The following EVI5 variants were observed in gnomAD, a reference collection of about 807,000 sequenced individuals.
The protein encoded by EVI5 is ecotropic viral integration site 5 protein homolog.
A neutral mutation model predicts 112.0 loss-of-function variants in EVI5; 73 were observed. The observed-to-expected ratio is 0.65, with a 90% CI of 0.54 to 0.79. The LOEUF (loss-of-function observed/expected upper bound fraction) is 0.79. Ranked by LOEUF, EVI5 falls within the 30% of genes least tolerant of loss-of-function variation. The pLI, the probability that EVI5 is intolerant of heterozygous loss-of-function variation, is 0.00. For missense variants in EVI5, 900 were observed against 968.8 expected (o/e 0.93, Z 0.94); for synonymous variants, 305 against 319.9 (o/e 0.95, Z 0.50).
chr1:92,615,589 C>T lies in EVI5; in HGVS notation c.1828-7862G>A, dbSNP rs1652934969. 2.6e-5 allele frequency among the ~76,000 whole-genome samples: 4 copies of T among 152,240 alleles called. No homozygotes were observed. In the South Asian group the frequency reaches 8.3e-4, roughly 32 times the overall value. ...TTTTTGTCAGAAGGAACAACTTCCC[C>T]ATCCCCAGTAGTGGAAACAACCCCT... On this transcript the variant is annotated intron_variant, in intron 16 of 19. Transcript: ENST00000684568.
intron 9 of EVI5, among the ~76,000 whole-genome samples, chr1:92,682,609 T>A (rs995527352): frequency 2.0e-5 from 3 of 152,030 alleles, no homozygotes; most frequent in Non-Finnish European, 4.4e-5. Context: ...TAAAAATTTT[T>A]AAAAAATTAG....
At chr1:92,725,189 T>C (rs1472401576) in intron 2 of EVI5, among the ~76,000 whole-genome samples, 5 of 152,152 alleles carry the variant, frequency 3.3e-5, no homozygotes, top group African/African-American at 4.8e-5. Context: ...GTAAGGAAAC[T>C]ATCCATGGCC....
chr1:92,634,763 T>C (rs1018708765), intron 14 of EVI5, among the ~76,000 whole-genome samples: 17 of 152,228 alleles, frequency 1.1e-4, no homozygotes, highest in Non-Finnish European at 1.9e-4. Context: ...CTCTGCTTTT[T>C]AGAATTTTCA....
chr1:92,701,633 C>T (rs997696089), intron 5 of EVI5, among the ~76,000 whole-genome samples: 2 of 152,108 alleles, frequency 1.3e-5, no homozygotes, highest in South Asian at 4.2e-4. Flanking sequence ...CCACCCAAAC[C>T]CACTGCACAC....
intron 2 of EVI5, among the ~76,000 whole-genome samples, chr1:92,709,945 GA>G (rs1457653707): frequency 1.7e-4 from 26 of 151,942 alleles, no homozygotes; most frequent in African/African-American, 6.3e-4. Context: ...ACAAAGCCTT[GA>G]GCTTGGCAGC....
intron 10 of EVI5, among the ~76,000 whole-genome samples, chr1:92,671,541 C>T (rs540617550): frequency 6.6e-6 from 1 of 152,258 alleles, no homozygotes; most frequent in East Asian, 1.9e-4. Context: ...AATTTCAGAT[C>T]TGAATATTTA....
chr1:92,785,175 G>T, upstream of EVI5: 1 of 913,260 alleles, frequency 1.1e-6, no homozygotes, highest in South Asian at 5.0e-5. Flanking sequence ...GTTGGAGCAG[G>T]TTAGGGGCCG....
chr1:92,663,482 T>C, intron 11 of EVI5, 30 bp from the exon 12 acceptor site: 1 of 1,177,978 alleles, frequency 8.5e-7, no homozygotes, highest in Non-Finnish European at 1.2e-6. Context: ...GATAGAAATA[T>C]AAGAGAAAGA....
intron 18 of EVI5, among the ~76,000 whole-genome samples, chr1:92,578,018 A>AT (rs1671347600): frequency 6.6e-6 from 1 of 152,180 alleles, no homozygotes; most frequent in Non-Finnish European, 1.5e-5. Flanking sequence ...CTATGGTGCT[A>AT]TATTTCATTT....
chr1:92,772,617 T>C (rs994816269), intron 1 of EVI5, among the ~76,000 whole-genome samples: 3 of 149,802 alleles, frequency 2.0e-5, no homozygotes, highest in Non-Finnish European at 4.4e-5. Flanking sequence ...CAAAACTTCA[T>C]AGCGGCTGGG....
At chr1:92,733,064 A>G in intron 2 of EVI5, 1 of 210,942 alleles carries the variant, frequency 4.7e-6, no homozygotes, top group East Asian at 1.1e-4. Flanking sequence ...TTTAAAAAAA[A>G]AAAAGAAAAA....
chr1:92,785,628 G>A (rs1446218689), upstream of EVI5, among the ~76,000 whole-genome samples: 1 of 152,212 alleles, frequency 6.6e-6, no homozygotes, highest in African/African-American at 2.4e-5. Context: ...ACATGGGCAC[G>A]AATACGTAAG....
At chr1:92,541,101 A>T (rs1664732633) in intron 19 of EVI5, among the ~76,000 whole-genome samples, 4 of 152,150 alleles carry the variant, frequency 2.6e-5, no homozygotes, top group Admixed American at 2.6e-4. Flanking sequence ...ATAAACAAAA[A>T]AGCAGAAGCT....
At chr1:92,712,462 G>A (rs1570522178) in intron 2 of EVI5, among the ~76,000 whole-genome samples, 1 of 151,968 alleles carries the variant, frequency 6.6e-6, no homozygotes, top group East Asian at 1.9e-4. Context: ...AGAAAAACAA[G>A]CCTAGCCGAC....
At chr1:92,666,188 A>C (rs1212563210) in intron 10 of EVI5, among the ~76,000 whole-genome samples, 196 bp from the exon 11 acceptor site, 1 of 151,994 alleles carries the variant, frequency 6.6e-6, no homozygotes, top group African/African-American at 2.4e-5. Context: ...CTGTAATCCC[A>C]GCTCTTTGGG....
intron 1 of EVI5, among the ~76,000 whole-genome samples, chr1:92,763,819 G>A (rs1386183432): frequency 6.6e-6 from 1 of 151,876 alleles, no homozygotes; most frequent in Non-Finnish European, 1.5e-5. Flanking sequence ...AAATTTACAT[G>A]AAAGGAAACC....
In EVI5 at chr1:92,677,147, C is replaced by A. The variant is rs746391756; in HGVS notation, c.1158+11G>T. On this transcript the variant is annotated intron_variant, in intron 10 of 19. Transcript: ENST00000684568. ...ATCAATCAGTACTTTAAAAAGCCCC[C>A]AACTGCTTACTTTAATTTCAACTTG... 1.9e-6 allele frequency: 3 copies of A among 1,555,448 alleles called. No homozygotes were observed. The highest frequency in any genetic ancestry group is 2.6e-6 in the Non-Finnish European group (3 of 1,134,480).
chr1:92,533,018 A>G lies in EVI5; in HGVS notation c.2167-19048T>C, dbSNP rs566074552. On this transcript the variant is annotated intron_variant, in intron 19 of 19. Coordinates refer to ENST00000684568, the MANE Select transcript of EVI5 (RefSeq NM_001350197.2). The stretch of plus-strand genomic sequence containing the variant: ...TAGGAACTTTTTTTTTTTTTTGGAA[A>G]AGATCAACAAAATAGACCACTAGCC... 2.1e-3 allele frequency among the ~76,000 whole-genome samples: 317 copies of G among 150,652 alleles called. 1 individual carries two copies. Among genetic ancestry groups the G allele is most frequent in the African/African-American group, 7.5e-3 (308 of 41,176 alleles).
At chr1:92,724,769 T>C (rs752821369) in intron 2 of EVI5, among the ~76,000 whole-genome samples, 8 of 151,972 alleles carry the variant, frequency 5.3e-5, no homozygotes, top group South Asian at 2.1e-4. Context: ...GATGGCACCA[T>C]TGCACTCCAG....
Sources: allele counts gnomAD v4.1 joint callset (sites outside exome capture counted in the v4.1 genomes callset), GRCh38; gene constraint gnomAD v4.1.1; transcripts MANE v1.5; gene names NCBI Gene and HGNC (gene_info 2026-07-23, HGNC 2026-07-21).